The following PCDHA3 variants were observed in gnomAD, a reference collection of about 807,000 sequenced individuals.
PCDHA3 encodes the protein protocadherin alpha-3.
Under a neutral mutation model 62.2 loss-of-function variants are expected in PCDHA3, and 41 were observed. The observed-to-expected ratio is 0.66, with a 90% CI of 0.51 to 0.86. The LOEUF is 0.86. PCDHA3 is among the 40% of genes least tolerant of loss of function. The pLI is 0.00. For synonymous variants in PCDHA3, 640 were observed against 555.4 expected (o/e 1.15, Z -2.14); for missense variants, 1,304 against 1,241.2 (o/e 1.05, Z -0.76).
chr5:140,808,080 T>G, intron 1 of PCDHA3: 1 of 1,614,046 alleles, frequency 6.2e-7, no homozygotes, highest in Non-Finnish European at 8.5e-7. Flanking sequence ...ATAGATCCAA[T>G]TACTGGACAA....
At chr5:140,896,501 T>G (rs1279439158) in intron 1 of PCDHA3, among the ~76,000 whole-genome samples, 4 of 152,048 alleles carry the variant, frequency 2.6e-5, no homozygotes, top group Non-Finnish European at 4.4e-5. Flanking sequence ...TAGCTGGGAC[T>G]GTGCAGGCAC....
Position 140,823,401 on chromosome 5 carries a change from G to A in PCDHA3, c.2394+19810G>A, listed in dbSNP as rs2150125561. 1.6e-5 allele frequency: 25 copies of A among 1,612,904 alleles called. 1 individual carries two copies. The South Asian group carries it at 2.2e-4, about 14-fold the overall frequency. On this transcript the variant is annotated intron_variant, in intron 1 of 3. Coordinates refer to ENST00000522353, the MANE Select transcript of PCDHA3 (RefSeq NM_018906.3). Reference sequence around the variant, plus strand: ...TGAGCGCGCGCGACGCGGGCGTGCCGCCTCTGGGCAGCAACGTGACGCTGC... The same window carrying A: ...TGAGCGCGCGCGACGCGGGCGTGCCACCTCTGGGCAGCAACGTGACGCTGC...
chr5:140,967,927 C>T (rs782426020), intron 1 of PCDHA3: 3 of 1,614,228 alleles, frequency 1.9e-6, no homozygotes, highest in Non-Finnish European at 2.5e-6. Context: ...TGGCCGTTCT[C>T]AGTGTCAATG....
chr5:140,967,367 C>A (rs1390450808), intron 1 of PCDHA3: 1 of 1,607,250 alleles, frequency 6.2e-7, no homozygotes, highest in Non-Finnish European at 8.5e-7. Flanking sequence ...TAAGCCCCTG[C>A]AGGAGAACAG....
Position 140,849,905 on chromosome 5 carries a change from G to A in PCDHA3, c.2394+46314G>A, listed in dbSNP as rs2150456926. On this transcript the variant is annotated intron_variant, in intron 1 of 3. Coordinates refer to ENST00000522353, the MANE Select transcript of PCDHA3 (RefSeq NM_018906.3). The stretch of plus-strand genomic sequence containing the variant: ...TGTTCGTGAAGGAGAACAACCCGCC[G>A]GGCTGCCACATCTTCACGGTGTCTG... The A allele has an allele frequency of 3.4e-5, 55 of 1,598,312 alleles. 1 individual carries two copies. The highest frequency in any genetic ancestry group is 3.5e-4 in the Middle Eastern group (2 of 5,794).
chr5:140,881,336 G>C (rs2058671987), intron 1 of PCDHA3: 1 of 984,948 alleles, frequency 1.0e-6, no homozygotes. Context: ...CCAGGACGCC[G>C]ATTCGGGCTA....
At chr5:140,858,750 C>T (rs1397058081) in intron 1 of PCDHA3, 3 of 453,980 alleles carry the variant, frequency 6.6e-6, no homozygotes, top group South Asian at 3.1e-5. Flanking sequence ...AATCACTTTT[C>T]GTTACAAATA....
chr5:140,969,051 A>T (rs908108421), intron 1 of PCDHA3: 3 of 1,614,062 alleles, frequency 1.9e-6, no homozygotes, highest in Non-Finnish European at 1.7e-6. Context: ...CAAGCCAACA[A>T]CAATATTGAT....
At chr5:140,955,296 G>A (rs1554221862) in intron 1 of PCDHA3, among the ~76,000 whole-genome samples, 1 of 151,904 alleles carries the variant, frequency 6.6e-6, no homozygotes, top group Admixed American at 6.6e-5. Context: ...GTTTGGCTGT[G>A]TCCCCACCCA....
At chr5:140,928,729 G>A (rs2085477021) in intron 1 of PCDHA3, 1 of 1,613,996 alleles carries the variant, frequency 6.2e-7, no homozygotes, top group Non-Finnish European at 8.5e-7. Context: ...TAGAATTTCA[G>A]CCAATATAGG....
In PCDHA3 at chr5:140,828,604, A is replaced by G. The variant is rs2150157266; in HGVS notation, c.2394+25013A>G. On this transcript the variant is annotated intron_variant, in intron 1 of 3. Transcript: ENST00000522353. The stretch of plus-strand genomic sequence containing the variant: ...GCTCAAATTCCATCTTAACCTATAA[A>G]CTCAGTTCTAGCGAATACTTCGGGC... 71 of 1,614,018 alleles carry G rather than the reference A, an allele frequency of 4.4e-5. 1 individual carries two copies. The highest frequency in any genetic ancestry group is 1.5e-4 in the Admixed American group (9 of 59,998).
intron 1 of PCDHA3, chr5:140,851,289 A>G (rs987859417): frequency 9.6e-7 from 1 of 1,037,038 alleles, no homozygotes; most frequent in South Asian, 4.4e-5. Flanking sequence ...AAGAAACCCA[A>G]GCAAAAATAT....
intron 1 of PCDHA3, chr5:140,849,034 T>A: frequency 6.3e-7 from 1 of 1,579,556 alleles, no homozygotes; most frequent in Non-Finnish European, 8.6e-7. Context: ...TATTTCTTCC[T>A]GGACGTGCCA....
chr5:140,822,908 C>T (rs2150120242), intron 1 of PCDHA3: 1 of 1,614,256 alleles, frequency 6.2e-7, no homozygotes, highest in South Asian at 1.1e-5. Flanking sequence ...GACCGTGACT[C>T]AGGTGCCAAC....
intron 1 of PCDHA3, chr5:140,871,263 G>T: frequency 6.2e-7 from 1 of 1,614,010 alleles, no homozygotes; most frequent in South Asian, 1.1e-5. Flanking sequence ...ATACGGCGCT[G>T]TGGTGGTCGG....
At chr5:140,982,360 AG>A in intron 2 of PCDHA3, 114 bp from the exon 3 acceptor site, 1 of 1,527,158 alleles carries the variant, frequency 6.5e-7, no homozygotes, top group Non-Finnish European at 8.8e-7. Context: ...AAGCATGAGC[AG>A]AATGTGTTAG....
At chr5:140,927,896 A>C in intron 1 of PCDHA3, 1 of 1,614,200 alleles carries the variant, frequency 6.2e-7, no homozygotes, top group East Asian at 2.2e-5. Flanking sequence ...GACGTGAACG[A>C]TCATGCCCCC....
rs1554121552 is a variant in PCDHA3 at position 140,801,584 on chromosome 5, C to T, written c.387C>T (p.Asn129=). ...VEVEVKDIND[N]APVFPMAVKN... Reference sequence around the variant, plus strand: ...TGGAAGTGAAGGACATTAATGACAACGCGCCAGTTTTTCCAATGGCTGTAA... The same window carrying T: ...TGGAAGTGAAGGACATTAATGACAATGCGCCAGTTTTTCCAATGGCTGTAA... Residue 129 remains asparagine (N), a synonymous_variant, in exon 1 of 4, where the codon AAC becomes AAT. Transcript: ENST00000522353. The T allele has an allele frequency of 1.2e-6, 2 of 1,614,200 alleles. No individual in the cohort carries two copies. The highest frequency in any genetic ancestry group is 2.2e-5 in the East Asian group (1 of 44,892).
At chr5:140,807,116 C>G (rs1411901761) in intron 1 of PCDHA3, 1 of 1,524,432 alleles carries the variant, frequency 6.6e-7, no homozygotes, top group Non-Finnish European at 8.9e-7. Flanking sequence ...CTGCACTTGA[C>G]TGACCGATTA....
Sources: gnomAD v4.1 joint callset for allele counts (sites outside exome capture counted in the v4.1 genomes callset) on GRCh38, gnomAD v4.1.1 for gene constraint, MANE v1.5 for transcripts, NCBI Gene and HGNC (gene_info 2026-07-23, HGNC 2026-07-21) for gene names.